The following FNBP1 variants were observed in gnomAD, a reference collection of about 807,000 sequenced individuals.
FNBP1 encodes the protein formin binding protein 1.
FNBP1 carries 26 observed loss-of-function variants against 90.6 expected under a neutral mutation model. The ratio of observed to expected loss-of-function variants is 0.29; its 90% CI spans 0.21 to 0.40. FNBP1 has a LOEUF of 0.40. Among genes scored for constraint, FNBP1 ranks in the 10% least tolerant of loss-of-function variants. The pLI is 1.00. For synonymous variants in FNBP1, 260 were observed against 265.2 expected, an observed-to-expected ratio of 0.98 and a Z score of 0.19; for missense variants, 635 against 768.0, an observed-to-expected ratio of 0.83 and a Z score of 2.05.
intron 10 of FNBP1, among the ~76,000 whole-genome samples, chr9:129,921,364 G>A (rs1311971917): frequency 6.7e-6 from 1 of 150,280 alleles, no homozygotes; most frequent in African/African-American, 2.4e-5. Context: ...ACAGGCACAT[G>A]CCACCATGCC....
intron 16 of FNBP1, among the ~76,000 whole-genome samples, chr9:129,895,049 A>T (rs1414252542): frequency 1.3e-5 from 2 of 152,070 alleles, no homozygotes; most frequent in East Asian, 3.8e-4. Flanking sequence ...ACTCTGTCTC[A>T]AAACAACAAC....
At chr9:129,962,970 G>C in intron 4 of FNBP1, among the ~76,000 whole-genome samples, 1 of 152,214 alleles carries the variant, frequency 6.6e-6, no homozygotes. Flanking sequence ...CTCTGGTCCT[G>C]AAAGTCTTTA....
intron 1 of FNBP1, among the ~76,000 whole-genome samples, chr9:130,011,111 G>A (rs1175302349): frequency 6.7e-6 from 1 of 149,842 alleles, no homozygotes; most frequent in African/African-American, 2.5e-5. Context: ...AGCTACTCGG[G>A]AGGCTGAGGC....
At chr9:130,014,077 T>C (rs766098785) in intron 1 of FNBP1, 9 of 456,450 alleles carry the variant, frequency 2.0e-5, no homozygotes, top group African/African-American at 1.6e-4. Context: ...AACTAAACAA[T>C]GTATTTTACT....
intron 6 of FNBP1, among the ~76,000 whole-genome samples, chr9:129,947,312 C>T (rs1005099476): frequency 6.6e-6 from 1 of 151,508 alleles, no homozygotes; most frequent in Admixed American, 6.6e-5. Context: ...TGGTGGCAGG[C>T]GCCTGTAATC....
At chr9:129,904,169 A>G (rs964828926) in intron 12 of FNBP1, among the ~76,000 whole-genome samples, 4 of 152,232 alleles carry the variant, frequency 2.6e-5, no homozygotes, top group Non-Finnish European at 5.9e-5. Flanking sequence ...AGCACAGTCA[A>G]TTGCTTTGGA....
chr9:130,002,890 T>G (rs1416250777), intron 1 of FNBP1, among the ~76,000 whole-genome samples: 2 of 152,286 alleles, frequency 1.3e-5, no homozygotes, highest in Admixed American at 6.5e-5. Flanking sequence ...CCCTTGACCT[T>G]GACCTCACAC....
chr9:130,013,632 G>A (rs768791633), intron 1 of FNBP1: 1 of 448,708 alleles, frequency 2.2e-6, no homozygotes, highest in Non-Finnish European at 4.5e-6. Flanking sequence ...TGCACCAAGA[G>A]ACATGCATAT....
chr9:129,893,773 G>A (rs751366770), intron 16 of FNBP1, among the ~76,000 whole-genome samples: 3 of 151,714 alleles, frequency 2.0e-5, no homozygotes, highest in South Asian at 2.1e-4. Context: ...AAAATTAGCT[G>A]GGCATGGTGG....
At chr9:129,955,707 C>T (rs867886001) in intron 6 of FNBP1, among the ~76,000 whole-genome samples, 23 of 150,148 alleles carry the variant, frequency 1.5e-4, no homozygotes, top group African/African-American at 4.4e-4. Context: ...GGCGATACAG[C>T]GAGACTCTGT....
At chr9:129,923,710 TG>T (rs1377991570) in intron 10 of FNBP1, 133 bp downstream of exon 10, 15 of 1,026,256 alleles carry the variant, frequency 1.5e-5, no homozygotes, top group East Asian at 3.2e-5. Flanking sequence ...TAATGGTTTT[TG>T]TTTTTTTTTT....
intron 6 of FNBP1, among the ~76,000 whole-genome samples, chr9:129,952,899 T>C: frequency 1.3e-5 from 2 of 152,192 alleles, no homozygotes; most frequent in East Asian, 3.8e-4. Context: ...AATATTCGCA[T>C]CAATCCTGTT....
chr9:130,048,971 G>A, the FNBP1 span, among the ~76,000 whole-genome samples: 1 of 150,590 alleles, frequency 6.6e-6, no homozygotes, highest in South Asian at 2.1e-4. Flanking sequence ...TAGTAGAGAC[G>A]GGGTTTCACC....
At chr9:130,019,232 C>T (rs1406940943) in intron 1 of FNBP1, among the ~76,000 whole-genome samples, 5 of 148,770 alleles carry the variant, frequency 3.4e-5, no homozygotes, top group South Asian at 4.2e-4. Context: ...TTCCAGGAGA[C>T]GGAGGTTGCA....
chr9:130,021,063 C>G (rs2131907152), intron 1 of FNBP1, among the ~76,000 whole-genome samples: 1 of 152,188 alleles, frequency 6.6e-6, no homozygotes, highest in Non-Finnish European at 1.5e-5. Flanking sequence ...CGTCAAATTG[C>G]TGGTTATTTT....
At chr9:129,909,726 C>T (rs971217370) in intron 11 of FNBP1, among the ~76,000 whole-genome samples, 2 of 152,086 alleles carry the variant, frequency 1.3e-5, no homozygotes, top group Admixed American at 1.3e-4. Flanking sequence ...CAGGTTCAAG[C>T]GATTCTCCTG....
At chr9:129,986,022 G>A (rs1025707029) in intron 2 of FNBP1, among the ~76,000 whole-genome samples, 3 of 146,246 alleles carry the variant, frequency 2.1e-5, no homozygotes, top group Non-Finnish European at 4.5e-5. Context: ...TGTAATCCCA[G>A]CTACTTGGGA....
At chr9:129,997,899 T>C (rs183880358) in intron 1 of FNBP1, among the ~76,000 whole-genome samples, 6 of 151,880 alleles carry the variant, frequency 4.0e-5, no homozygotes, top group African/African-American at 1.2e-4. Flanking sequence ...TTAAAAGCCC[T>C]CTCCCAGCTG....
intron 8 of FNBP1, among the ~76,000 whole-genome samples, chr9:129,926,542 C>A (rs770764432): frequency 5.0e-4 from 76 of 151,980 alleles, no homozygotes; most frequent in Middle Eastern, 3.2e-3. Flanking sequence ...TTCTGAAATG[C>A]CCCCAACAAG....
Sources: gnomAD v4.1 joint callset for allele counts (sites outside exome capture counted in the v4.1 genomes callset) on GRCh38, gnomAD v4.1.1 for gene constraint, MANE v1.5 for transcripts, NCBI Gene and HGNC (gene_info 2026-07-23, HGNC 2026-07-21) for gene names.